The following CD44 variants were observed in gnomAD, a reference collection of about 807,000 sequenced individuals.
CD44 encodes the protein CD44 antigen.
In CD44, 49 loss-of-function variants were observed where a neutral mutation model predicts 88.8. The ratio of observed to expected loss-of-function variants is 0.55; its 90% CI spans 0.44 to 0.70. The LOEUF (loss-of-function observed/expected upper bound fraction) is 0.70, where lower values mean the gene tolerates loss of function less well. Ranked by LOEUF, CD44 falls within the 30% of genes least tolerant of loss-of-function variation. The pLI is 0.00. For synonymous variants in CD44, 325 were observed against 312.3 expected (o/e 1.04, Z -0.43); for missense variants, 883 against 913.8 (o/e 0.97, Z 0.43).
intron 5 of CD44, among the ~76,000 whole-genome samples, chr11:35,193,041 G>A (rs188568450): frequency 1.3e-5 from 2 of 152,102 alleles, no homozygotes; most frequent in Admixed American, 6.5e-5. Context: ...AGGTGAGAAT[G>A]TGGTGTCTGT....
chr11:35,225,313 C>A (rs1167150539), intron 17 of CD44, among the ~76,000 whole-genome samples: 1 of 152,154 alleles, frequency 6.6e-6, no homozygotes. Context: ...CCACCTAAAT[C>A]TTTTAAGATA....
Position 35,186,897 on chromosome 11 carries a change from A to G in CD44, c.433A>G (p.Ile145Val), listed in dbSNP as rs1445041705. The change falls in exon 4 of 18, where the codon ATA (isoleucine) becomes GTA (valine). Residue 145 changes from isoleucine to valine, a missense_variant. Physicochemically the swap from Ile to Val is conservative, Grantham distance 29 (BLOSUM62 3). Around this residue, in one of 2 missense-constraint regions of CD44, gnomAD observed 252 missense variants for 322.9 expected, o/e 0.78. Transcript: ENST00000428726. ...LPNAFDGPIT[I>V]TIVNRDGTRY... ...CAATGCCTTTGATGGACCAATTACCATAAGTATGTCTCTCTTCTAATCTTA... is the reference window on the plus strand; with the variant it reads ...CAATGCCTTTGATGGACCAATTACCGTAAGTATGTCTCTCTTCTAATCTTA... 1.9e-6 allele frequency: 3 copies of G among 1,567,912 alleles called. No homozygotes were observed. Among genetic ancestry groups the G allele is most frequent in the East Asian group, 2.2e-5 (1 of 44,668 alleles).
At chr11:35,184,247 A>G (rs1462087639) in intron 3 of CD44, among the ~76,000 whole-genome samples, 1 of 152,232 alleles carries the variant, frequency 6.6e-6, no homozygotes, top group Admixed American at 6.5e-5. Context: ...ATAAAAGTTA[A>G]GGTGAATTGG....
intron 11 of CD44, among the ~76,000 whole-genome samples, chr11:35,206,602 G>C (rs1947865425): frequency 6.9e-6 from 1 of 145,614 alleles, no homozygotes; most frequent in Non-Finnish European, 1.5e-5. Context: ...AGGTGAATTG[G>C]ACTTGGTTTA....
intron 11 of CD44, 84 bp from the exon 12 acceptor site, chr11:35,208,021 T>TA: frequency 1.3e-6 from 1 of 790,676 alleles, no homozygotes; most frequent in Non-Finnish European, 2.3e-6. Context: ...TGTGAATATT[T>TA]AAAAAAATCA....
chr11:35,144,556 A>C (rs1298980804), intron 1 of CD44, among the ~76,000 whole-genome samples: 1 of 152,140 alleles, frequency 6.6e-6, no homozygotes, highest in Non-Finnish European at 1.5e-5. Context: ...ATTTTTTTTA[A>C]GTGTACCCCC....
At chr11:35,199,620 G>A (rs926386212) in intron 7 of CD44, among the ~76,000 whole-genome samples, 2 of 151,634 alleles carry the variant, frequency 1.3e-5, no homozygotes, top group African/African-American at 4.8e-5. Flanking sequence ...ATACTCAAAA[G>A]GAACTAGAAT....
chr11:35,182,579 C>T (rs1307602039), intron 3 of CD44, among the ~76,000 whole-genome samples: 1 of 152,074 alleles, frequency 6.6e-6, no homozygotes, highest in Admixed American at 6.6e-5. Flanking sequence ...TCTAGCATGT[C>T]GTTCTAATGA....
chr11:35,176,256 A>AG (rs1944456463), intron 1 of CD44, among the ~76,000 whole-genome samples: 3 of 151,584 alleles, frequency 2.0e-5, no homozygotes, highest in African/African-American at 7.3e-5. Context: ...GTTAGCCAGG[A>AG]TGGTCTCGAT....
intron 1 of CD44, among the ~76,000 whole-genome samples, chr11:35,157,317 G>A (rs1256345919): frequency 7.5e-6 from 1 of 132,824 alleles, no homozygotes; most frequent in East Asian, 2.2e-4. Flanking sequence ...CTATCTGTCT[G>A]TCTGTCTATC....
At chr11:35,155,486 C>A (rs1301806528) in intron 1 of CD44, among the ~76,000 whole-genome samples, 1 of 152,152 alleles carries the variant, frequency 6.6e-6, no homozygotes, top group Non-Finnish European at 1.5e-5. Context: ...ATGGGTAGAG[C>A]TCACATGGGG....
chr11:35,188,452 C>G (rs900050978), intron 4 of CD44, among the ~76,000 whole-genome samples: 4 of 152,294 alleles, frequency 2.6e-5, no homozygotes, highest in Middle Eastern at 3.4e-3. Flanking sequence ...GTAAAAGACA[C>G]TATGTCTAAT....
intron 9 of CD44, among the ~76,000 whole-genome samples, chr11:35,202,597 A>G (rs2134063850): frequency 6.6e-6 from 1 of 152,346 alleles, no homozygotes; most frequent in East Asian, 1.9e-4. Flanking sequence ...TCACAGCCCT[A>G]GATACACCTA....
Position 35,189,924 on chromosome 11 carries a change from G to A in CD44, c.526G>A (p.Asp176Asn), listed in dbSNP as rs1946104368. The A allele has an allele frequency of 2.5e-6, 4 of 1,614,044 alleles. No individual in the cohort carries two copies. Among genetic ancestry groups the A allele is most frequent in the Non-Finnish European group, 3.4e-6 (4 of 1,180,022 alleles). The change falls in exon 5 of 18, where the codon GAT (aspartate) becomes AAT (asparagine). Residue 176 changes from aspartate to asparagine, a missense_variant. Asp to Asn is a conservative substitution (Grantham distance 23). This residue lies in a region of CD44 where 252 missense variants were observed against 322.9 expected (regional missense o/e 0.78). Coordinates refer to ENST00000428726, the MANE Select transcript of CD44 (RefSeq NM_000610.4). ...EDIYPSNPTD[D>N]DVSSGSSSER... ...CATCTACCCCAGCAACCCTACTGAT[G>A]ATGACGTGAGCAGCGGCTCCTCCAG... is the stretch of plus-strand genomic sequence containing the variant.
At position 35,198,125 on chromosome 11, in the gene CD44, G is replaced by A. The variant is rs200273155; in HGVS notation, c.801G>A (p.Thr267=). The A allele has an allele frequency of 4.2e-5, 68 of 1,613,622 alleles. No individual in the cohort carries two copies. Among genetic ancestry groups the A allele is most frequent in the South Asian group, 1.5e-4 (14 of 91,054 alleles). The change falls in exon 7 of 18, where the codon ACG becomes ACA. Residue 267 remains threonine (T), a synonymous_variant. Transcript: ENST00000428726. ...HLHTTTQMAG[T]SSNTISAGWE... is the part of the protein sequence containing the mutation. The stretch of plus-strand genomic sequence containing the variant: ...TAATGCAAGTCACCACAACAGGTAC[G>A]TCTTCAAATACCATCTCAGCAGGCT...
intron 17 of CD44, among the ~76,000 whole-genome samples, chr11:35,227,669 G>A (rs1949799168): frequency 6.6e-6 from 1 of 152,220 alleles, no homozygotes; most frequent in Non-Finnish European, 1.5e-5. Flanking sequence ...AGAGCTTAAA[G>A]TTTATGGCCT....
chr11:35,145,757 G>A (rs1238904560), intron 1 of CD44, among the ~76,000 whole-genome samples: 6 of 152,208 alleles, frequency 3.9e-5, no homozygotes, highest in African/African-American at 1.4e-4. Context: ...TGGTGGCAGA[G>A]GAGAGAAGTA....
intron 1 of CD44, among the ~76,000 whole-genome samples, chr11:35,173,564 C>G (rs1304750380): frequency 2.0e-5 from 3 of 152,164 alleles, no homozygotes; most frequent in African/African-American, 7.2e-5. Flanking sequence ...CCCCCATGTG[C>G]TAATGATGCA....
chr11:35,201,785 C>A lies in CD44; in HGVS notation c.1151C>A (p.Thr384Lys), dbSNP rs765237637. 41 of 1,613,508 alleles carry A rather than the reference C, an allele frequency of 2.5e-5. 3 individuals carry two copies. The highest frequency in any genetic ancestry group is 2.5e-4 in the Admixed American group (15 of 59,996). The change falls in exon 9 of 18, where the codon ACA becomes AAA. Residue 384 changes from threonine to lysine, a missense_variant and splice_region_variant. This residue lies in a region of CD44 where 631 missense variants were observed against 590.9 expected (regional missense o/e 1.07). Transcript: ENST00000428726. ...EEEETPHSTS[T>K]IQATPSSTTE... ...GAAGAGACCCCACATTCTACAAGCA[C>A]AAGTAAGCAAGATGGCGGTCGGCAG...
Sources: gnomAD v4.1 joint callset for allele counts (sites outside exome capture counted in the v4.1 genomes callset) on GRCh38, gnomAD v4.1.1 for gene constraint, gnomAD v4.1.1 regional missense constraint, MANE v1.5 for transcripts, NCBI Gene and HGNC (gene_info 2026-07-23, HGNC 2026-07-21) for gene names.